SLCO3A1: variants seen among roughly 807,000 people sequenced by gnomAD.
SLCO3A1 encodes the protein solute carrier organic anion transporter family member 3A1, also known as PGE1 transporter.
In SLCO3A1, 27 loss-of-function variants were observed where a neutral mutation model predicts 63.1. That is an observed-to-expected ratio of 0.43 (90% CI 0.32 to 0.59). The LOEUF (loss-of-function observed/expected upper bound fraction) is 0.59, where lower values mean the gene tolerates loss of function less well. Among genes scored for constraint, SLCO3A1 ranks in the 20% least tolerant of loss-of-function variants. The pLI is 0.09. For synonymous variants in SLCO3A1, 473 were observed against 409.9 expected (o/e 1.15, Z -1.86); for missense variants, 773 against 945.8 (o/e 0.82, Z 2.40).
At chr15:91,937,363 G>A (rs548405573) in intron 2 of SLCO3A1, among the ~76,000 whole-genome samples, 3 of 152,254 alleles carry the variant, frequency 2.0e-5, no homozygotes, top group South Asian at 2.1e-4. Flanking sequence ...TGTTCTGCCC[G>A]CAAAGCATGA....
intron 9 of SLCO3A1, chr15:92,155,198 T>C (rs1453416302): frequency 1.3e-5 from 2 of 151,676 alleles, no homozygotes; most frequent in African/African-American, 4.9e-5. Flanking sequence ...TGCAGGTGTC[T>C]TGGCTACTCC....
intron 1 of SLCO3A1, among the ~76,000 whole-genome samples, chr15:91,879,247 G>A (rs1897488648): frequency 6.6e-6 from 1 of 151,218 alleles, no homozygotes; most frequent in South Asian, 2.1e-4. Context: ...AAGCAGGTAC[G>A]TTTTGCACAC....
chr15:92,127,227 G>T (rs933751009), intron 6 of SLCO3A1, among the ~76,000 whole-genome samples: 1 of 152,120 alleles, frequency 6.6e-6, no homozygotes, highest in Non-Finnish European at 1.5e-5. Context: ...TCTTCTTCCC[G>T]TTTGCACCTG....
chr15:92,101,381 C>T (rs906366898), intron 3 of SLCO3A1, among the ~76,000 whole-genome samples: 2 of 152,002 alleles, frequency 1.3e-5, no homozygotes, highest in African/African-American at 4.8e-5. Context: ...TGGTGGTGGG[C>T]ACCTGTAATC....
intron 5 of SLCO3A1, among the ~76,000 whole-genome samples, chr15:92,122,598 C>G (rs79728539): frequency 3.3e-5 from 5 of 152,318 alleles, no homozygotes; most frequent in African/African-American, 1.2e-4. Flanking sequence ...TTGGCTGTGC[C>G]TATTAAAGCT....
At chr15:91,919,658 T>A (rs1468917208) in intron 2 of SLCO3A1, among the ~76,000 whole-genome samples, 2 of 152,206 alleles carry the variant, frequency 1.3e-5, no homozygotes, top group African/African-American at 4.8e-5. Context: ...GCTGTCCTTC[T>A]GTTTCTCTAA....
At position 91,961,671 on chromosome 15, in the gene SLCO3A1, G is replaced by A. The variant is rs1373320342; in HGVS notation, c.646+45213G>A. Among the ~76,000 whole-genome samples the A allele has an allele frequency of 2.0e-5, 3 of 152,192 alleles. No homozygotes were observed. In the South Asian group the frequency reaches 6.2e-4, roughly 32 times the overall value. On this transcript the variant is annotated intron_variant, in intron 2 of 9. Transcript: ENST00000318445. ...TGCTTGTGGGTCTTCCCATCAGAGA[G>A]GCCTTCCCTGAATACCCTTCCCCTA...
At chr15:92,099,933 G>A (rs966380275) in intron 3 of SLCO3A1, among the ~76,000 whole-genome samples, 2 of 152,058 alleles carry the variant, frequency 1.3e-5, no homozygotes, top group Non-Finnish European at 2.9e-5. Context: ...GGGCGTGTTG[G>A]TAGGCACCTG....
chr15:91,963,123 C>T (rs56016534), intron 2 of SLCO3A1, among the ~76,000 whole-genome samples: 9,106 of 152,038 alleles, frequency 0.06, 398 homozygotes, highest in Non-Finnish European at 0.091. Context: ...TTCCTTCAGA[C>T]CCCCAATACA....
Position 91,854,407 on chromosome 15 carries a change from G to A in SLCO3A1, c.180+319G>A. ...CTCTCCCCCCATAAGAGCGGAGCGAGACGGTGAGTTCAGGGTTCTCCTTGG... is the reference window on the plus strand; with the variant it reads ...CTCTCCCCCCATAAGAGCGGAGCGAAACGGTGAGTTCAGGGTTCTCCTTGG... On this transcript the variant is annotated intron_variant, in intron 1 of 9. Coordinates refer to ENST00000318445, the MANE Select transcript of SLCO3A1 (RefSeq NM_013272.4). The surrounding 1 kb of genome is among the most constrained non-coding windows in gnomAD (Gnocchi z 6.4). 1 of 1,034,756 alleles carries A rather than the reference G, an allele frequency of 9.7e-7. No homozygotes were observed. Among genetic ancestry groups the A allele is most frequent in the Non-Finnish European group, 1.2e-6 (1 of 859,480 alleles). 64.1% of individuals were successfully genotyped at this position (1,034,756 alleles called of 1,614,324 possible).
chr15:92,148,694 C>T (rs2048263163), intron 8 of SLCO3A1: 1 of 152,082 alleles, frequency 6.6e-6, no homozygotes, highest in Non-Finnish European at 1.5e-5. Flanking sequence ...AGTAACCCTA[C>T]CCCTTGCCAT....
intron 7 of SLCO3A1, among the ~76,000 whole-genome samples, chr15:92,132,693 G>T (rs773971135): frequency 6.9e-6 from 1 of 144,854 alleles, no homozygotes; most frequent in African/African-American, 2.5e-5. Flanking sequence ...GCAGTTTGTA[G>T]GGTACTGATG....
intron 9 of SLCO3A1, among the ~76,000 whole-genome samples, chr15:92,151,389 G>T (rs115247382): frequency 0.011 from 1,744 of 152,242 alleles, 35 homozygotes; most frequent in African/African-American, 0.04. Flanking sequence ...AGAGAGAGGC[G>T]TTCTCACAAT....
chr15:91,979,469 A>T (rs564739730), intron 2 of SLCO3A1, among the ~76,000 whole-genome samples: 2 of 152,326 alleles, frequency 1.3e-5, no homozygotes, highest in Non-Finnish European at 2.9e-5. Flanking sequence ...CAGACTGGGG[A>T]TGCTCAACCT....
intron 6 of SLCO3A1, among the ~76,000 whole-genome samples, 182 bp from the exon 7 acceptor site, chr15:92,128,169 G>T (rs1201438714): frequency 4.6e-5 from 7 of 152,166 alleles, no homozygotes; most frequent in Admixed American, 4.6e-4. Flanking sequence ...GCCCTGGGCT[G>T]CTCCTTGCTG....
chr15:92,050,410 GC>G (rs1422509696), intron 2 of SLCO3A1, among the ~76,000 whole-genome samples: 8 of 152,316 alleles, frequency 5.3e-5, no homozygotes, highest in African/African-American at 1.9e-4. Flanking sequence ...CTGAGCAGAT[GC>G]GATGTTGTCA....
intron 1 of SLCO3A1, among the ~76,000 whole-genome samples, chr15:91,913,718 G>A (rs989700121): frequency 6.6e-6 from 1 of 152,188 alleles, no homozygotes; most frequent in Non-Finnish European, 1.5e-5. Context: ...ATGCATGGAC[G>A]TTTACAACAG....
chr15:92,165,537 A>C lies in SLCO3A1; in HGVS notation c.*2402A>C, dbSNP rs981497762. ...AAAGAAAGTTTTTTAAACTCTTTGC[A>C]TTTTGGATTTTTTTTCCTAAGATTT... On this transcript the variant is annotated 3_prime_UTR_variant, in exon 10 of 10. Coordinates refer to ENST00000318445, the MANE Select transcript of SLCO3A1 (RefSeq NM_013272.4). The C allele has an allele frequency of 1.2e-5, 12 of 984,472 alleles. No homozygotes were observed. In the African/African-American group the frequency reaches 2.1e-4, roughly 17 times the overall value. 61.0% of individuals were successfully genotyped at this position (984,472 alleles called of 1,614,324 possible).
At chr15:92,103,601 A>T (rs988085803) in intron 3 of SLCO3A1, among the ~76,000 whole-genome samples, 5 of 152,080 alleles carry the variant, frequency 3.3e-5, no homozygotes, top group African/African-American at 1.2e-4. Flanking sequence ...GTGCCCAAGC[A>T]TGCGCCAGGC....
Sources: allele counts gnomAD v4.1 joint callset (sites outside exome capture counted in the v4.1 genomes callset), GRCh38; gene constraint gnomAD v4.1.1; non-coding constraint Gnocchi (gnomAD v3.1); transcripts MANE v1.5; gene names NCBI Gene and HGNC (gene_info 2026-07-23, HGNC 2026-07-21).